Variants in SLC35A1 observed in about 807,000 individuals in gnomAD.
SLC35A1 encodes the protein CMP-sialic acid transporter.
SLC35A1 carries 21 observed loss-of-function variants against 40.3 expected under a neutral mutation model. The observed-to-expected ratio is 0.52, with a 90% CI of 0.37 to 0.75. The LOEUF (loss-of-function observed/expected upper bound fraction) is 0.75. Ranked by LOEUF, SLC35A1 falls within the 30% of genes least tolerant of loss-of-function variation. SLC35A1 has a pLI of 0.00. For missense variants in SLC35A1, 297 were observed against 382.1 expected, an observed-to-expected ratio of 0.78 and a Z score of 1.86; for synonymous variants, 146 against 147.3, an observed-to-expected ratio of 0.99 and a Z score of 0.06.
At chr6:87,509,277 C>T in intron 7 of SLC35A1, 102 bp downstream of exon 7, 1 of 1,420,436 alleles carries the variant, frequency 7.0e-7, no homozygotes, top group Non-Finnish European at 9.9e-7. Context: ...ATACTGTTTA[C>T]AGAAATTCCT....
intron 6 of SLC35A1, 58 bp downstream of exon 6, chr6:87,508,654 A>G (rs993610699): frequency 7.6e-7 from 1 of 1,323,000 alleles, no homozygotes; most frequent in Non-Finnish European, 1.1e-6. Flanking sequence ...TTTAAGTTAG[A>G]TGTCCATTTT....
intron 2 of SLC35A1, among the ~76,000 whole-genome samples, chr6:87,491,954 C>T (rs1769564136): frequency 6.6e-6 from 1 of 152,174 alleles, no homozygotes; most frequent in African/African-American, 2.4e-5. Flanking sequence ...TAAGGGGTAA[C>T]ACATTTAGCC....
chr6:87,473,915 G>T (rs1243895756), intron 1 of SLC35A1, among the ~76,000 whole-genome samples: 4 of 152,236 alleles, frequency 2.6e-5, no homozygotes, highest in Non-Finnish European at 5.9e-5. Context: ...ATCTTCTTGC[G>T]TGGGTTTCAA....
chr6:87,504,910 G>A (rs1018113392), intron 4 of SLC35A1, among the ~76,000 whole-genome samples: 1 of 152,188 alleles, frequency 6.6e-6, no homozygotes, highest in Non-Finnish European at 1.5e-5. Flanking sequence ...TTATAGGAAA[G>A]TATACTTGTT....
rs142373614 is a variant in SLC35A1 at position 87,482,228 on chromosome 6, A to G, written c.194+4689A>G. 1.6e-3 allele frequency among the ~76,000 whole-genome samples: 244 copies of G among 151,664 alleles called. 1 individual carries two copies. In the Middle Eastern group the frequency reaches 0.017, roughly 11 times the overall value. On this transcript the variant is annotated intron_variant, in intron 2 of 7. Transcript: ENST00000369552. ...ATTTACCATATAACATTCTTTTTAT[A>G]TAAATTCTCCCCCCCCTCCTTTTTT...
At chr6:87,499,760 C>A (rs1484145846) in intron 2 of SLC35A1, among the ~76,000 whole-genome samples, 1 of 120,410 alleles carries the variant, frequency 8.3e-6, no homozygotes, top group Admixed American at 8.6e-5. Context: ...CTCTTCCTAA[C>A]CCACTTAACG....
chr6:87,505,219 A>T (rs1305702214), intron 4 of SLC35A1, among the ~76,000 whole-genome samples: 1 of 152,090 alleles, frequency 6.6e-6, no homozygotes, highest in African/African-American at 2.4e-5. Context: ...CTTTTCTTAT[A>T]TCAGGCTTAT....
At chr6:87,506,028 A>G (rs1310538278) in intron 4 of SLC35A1, among the ~76,000 whole-genome samples, 1 of 152,100 alleles carries the variant, frequency 6.6e-6, no homozygotes, top group African/African-American at 2.4e-5. Context: ...TTGATGCTAT[A>G]AGCTCTTAAA....
Position 87,511,977 on chromosome 6 carries a change from T to C in SLC35A1, c.*451T>C. 5.1e-6 allele frequency: 1 copy of C among 197,318 alleles called. No homozygotes were observed. 12.2% of individuals were successfully genotyped at this position (197,318 alleles called of 1,614,324 possible). A position where few individuals can be genotyped will look rare whatever the true frequency, so the allele number is the denominator to read the frequency against. On this transcript the variant is annotated 3_prime_UTR_variant, in exon 8 of 8. Transcript: ENST00000369552. ...CCAATTCATGTACAGTATTTTGTCC[T>C]AGCAGCATAAAGACCTAGCTCTTTT... is the stretch of plus-strand genomic sequence containing the variant.
chr6:87,511,469 CACT>C lies in SLC35A1; in HGVS notation c.960_962del (p.Thr321del), dbSNP rs1220993428. ...ATCTCTATGGATTACCCAGACAAGACACTACATCCATCCAACAAGGAGAAACAG... is the reference window on the plus strand; with the variant it reads ...ATCTCTATGGATTACCCAGACAAGACACATCCATCCAACAAGGAGAAACAG... On this transcript the variant is annotated inframe_deletion, in exon 8 of 8. Transcript: ENST00000369552. 1 of 1,613,576 alleles carries C rather than the reference CACT, an allele frequency of 6.2e-7. No individual in the cohort carries two copies. The highest frequency in any genetic ancestry group is 8.5e-7 in the Non-Finnish European group (1 of 1,179,778).
intron 2 of SLC35A1, among the ~76,000 whole-genome samples, chr6:87,492,101 C>T (rs1769567896): frequency 2.6e-5 from 4 of 152,266 alleles, no homozygotes; most frequent in Admixed American, 2.6e-4. Flanking sequence ...TAACGTTCTT[C>T]AGTGCATGTT....
At chr6:87,509,299 TAC>T (rs565269849) in intron 7 of SLC35A1, 124 bp downstream of exon 7, 11 of 1,205,732 alleles carry the variant, frequency 9.1e-6, no homozygotes, top group Admixed American at 5.1e-5. Flanking sequence ...GCTTTGTTAC[TAC>T]AGTTTATTCC....
intron 1 of SLC35A1, among the ~76,000 whole-genome samples, chr6:87,473,984 C>T (rs1345865190): frequency 1.3e-5 from 2 of 152,244 alleles, no homozygotes; most frequent in Non-Finnish European, 2.9e-5. Context: ...GGGGCATTGT[C>T]TTTAGTTGCA....
intron 2 of SLC35A1, chr6:87,499,157 A>G: frequency 1.0e-6 from 1 of 975,400 alleles, no homozygotes; most frequent in African/African-American, 1.7e-5. Flanking sequence ...CAGCAAATAA[A>G]TAGGCACAGG....
At position 87,496,657 on chromosome 6, in the gene SLC35A1, G is replaced by T. The variant is rs576457699; in HGVS notation, c.195-3851G>T. On this transcript the variant is annotated intron_variant, in intron 2 of 7. Coordinates refer to ENST00000369552, the MANE Select transcript of SLC35A1 (RefSeq NM_006416.5). The stretch of plus-strand genomic sequence containing the variant: ...TAGCCAGGTGTGGTGGTGTGCACCT[G>T]TACTCCCACTTACTTGGGAGGCTGA... Among the ~76,000 whole-genome samples, 5 of 151,736 alleles carry T rather than the reference G, an allele frequency of 3.3e-5. No homozygotes were observed. In the East Asian group the frequency reaches 5.8e-4, roughly 18 times the overall value.
rs56136150 is a variant in SLC35A1, at chr6:87,511,385, T to C, written c.887-14T>C. 160,467 of 1,612,446 alleles carry C rather than the reference T, an allele frequency of 0.1. 8,338 individuals are homozygous for C. The highest frequency in any genetic ancestry group is 0.15 in the East Asian group (6,927 of 44,834). ...CACACATACAGATAAAGCTATTTTTTTTTTTCTTTTCAGCACTCACCTTTG... is the reference window on the plus strand; with the variant it reads ...CACACATACAGATAAAGCTATTTTTCTTTTTCTTTTCAGCACTCACCTTTG... On this transcript the variant is annotated splice_polypyrimidine_tract_variant and intron_variant, in intron 7 of 7. Transcript: ENST00000369552.
chr6:87,506,275 T>C, intron 4 of SLC35A1, 107 bp from the exon 5 acceptor site: 1 of 867,720 alleles, frequency 1.2e-6, no homozygotes. Context: ...TGATGTGGAA[T>C]ATACTTTTAG....
At chr6:87,497,997 G>A (rs2127973189) in intron 2 of SLC35A1, among the ~76,000 whole-genome samples, 1 of 152,022 alleles carries the variant, frequency 6.6e-6, no homozygotes. Flanking sequence ...CTGAGTAGCT[G>A]GGATACAGGT....
In SLC35A1 at chr6:87,508,914, TC is replaced by T. The variant is rs1374414068; in HGVS notation, c.752-126del. On this transcript the variant is annotated intron_variant, in intron 6 of 7. Transcript: ENST00000369552. ...TAGTACAAACTCTCAGATGGCTCCT[TC>T]TAAGGAAAACAGTATTTTCCTTTTC... 8 of 1,045,092 alleles carry T rather than the reference TC, an allele frequency of 7.7e-6. No homozygotes were observed. In the East Asian group the frequency reaches 2.0e-4, roughly 26 times the overall value. The allele number at this position is 1,045,092 out of a possible 1,614,324, so 64.7% of individuals were successfully genotyped here.
Sources: gnomAD v4.1 joint callset for allele counts (sites outside exome capture counted in the v4.1 genomes callset) on GRCh38, gnomAD v4.1.1 for gene constraint, MANE v1.5 for transcripts, NCBI Gene and HGNC (gene_info 2026-07-23, HGNC 2026-07-21) for gene names.